TRPV3: variants seen among roughly 807,000 people sequenced by gnomAD.
The protein encoded by TRPV3 is VRL-3.
In TRPV3, 88 loss-of-function variants were observed where a neutral mutation model predicts 87.1. That is an observed-to-expected ratio of 1.01 (90% CI 0.85 to 1.21). TRPV3 has a LOEUF of 1.21. TRPV3 is among the 50% of genes most tolerant of loss of function. The pLI, the probability that TRPV3 is intolerant of heterozygous loss-of-function variation, is 0.00. For synonymous variants in TRPV3, 438 were observed against 423.3 expected (o/e 1.03, Z -0.43); for missense variants, 1,054 against 1,030.1 (o/e 1.02, Z -0.32).
At chr17:3,520,827 G>C in intron 14 of TRPV3, 146 bp downstream of exon 14, 2 of 445,698 alleles carry the variant, frequency 4.5e-6, no homozygotes, top group South Asian at 6.9e-5. Context: ...ATATATAAAG[G>C]TAATGCTTGG....
intron 11 of TRPV3, among the ~76,000 whole-genome samples, chr17:3,527,230 G>A (rs1210166423): frequency 2.6e-5 from 4 of 152,098 alleles, no homozygotes; most frequent in Non-Finnish European, 4.4e-5. Flanking sequence ...CCAGCCTAGC[G>A]TTCCAGCCTC....
Position 3,524,379 on chromosome 17 carries a change from A to C in TRPV3, c.1578-16T>G, listed in dbSNP as rs2074276053. ...TTGGATAAAACTGTTCAGGAGACAC[A>C]GGAGACACGGGCCTTACTTACTTCT... On this transcript the variant is annotated splice_polypyrimidine_tract_variant and intron_variant, in intron 12 of 17. Transcript: ENST00000576742. 1.2e-6 allele frequency: 2 copies of C among 1,613,602 alleles called. No individual in the cohort carries two copies. Among genetic ancestry groups the C allele is most frequent in the East Asian group, 4.5e-5 (2 of 44,886 alleles).
At chr17:3,533,732 C>T (rs536703759) in intron 7 of TRPV3, among the ~76,000 whole-genome samples, 65 of 152,242 alleles carry the variant, frequency 4.3e-4, no homozygotes, top group African/African-American at 1.4e-3. Context: ...CTCCTGACCT[C>T]GTGATCCACC....
chr17:3,557,206 G>A lies in TRPV3; in HGVS notation c.-3+470C>T, dbSNP rs539059874. The stretch of plus-strand genomic sequence containing the variant: ...GACACTGATTGAAATGGCCTTTCCC[G>A]GGCGACAGACCAGGCCGCGGAGCCA... On this transcript the variant is annotated intron_variant, in intron 1 of 17. Coordinates refer to ENST00000576742, the MANE Select transcript of TRPV3 (RefSeq NM_145068.4). This position sits in a 1 kb window ranked among gnomAD's most constrained non-coding sequence, Gnocchi z 4.5. Among the ~76,000 whole-genome samples, 7 of 152,158 alleles carry A rather than the reference G, an allele frequency of 4.6e-5. No homozygotes were observed. Among genetic ancestry groups the A allele is most frequent in the East Asian group, 3.9e-4 (2 of 5,162 alleles).
At position 3,557,102 on chromosome 17, in the gene TRPV3, T is replaced by C. The variant is rs1174152179; in HGVS notation, c.-3+574A>G. 6.6e-6 allele frequency among the ~76,000 whole-genome samples: 1 copy of C among 152,054 alleles called. No homozygotes were observed. The highest frequency in any genetic ancestry group is 1.5e-5 in the Non-Finnish European group (1 of 68,000). Reference sequence around the variant, plus strand: ...GCCGCAGCAGCTATCATTAGCTCCCTGAGTCACCCCGTAAACCCCACGTTC... The same window carrying C: ...GCCGCAGCAGCTATCATTAGCTCCCCGAGTCACCCCGTAAACCCCACGTTC... On this transcript the variant is annotated intron_variant, in intron 1 of 17. Coordinates refer to ENST00000576742, the MANE Select transcript of TRPV3 (RefSeq NM_145068.4). This position sits in a 1 kb window ranked among gnomAD's most constrained non-coding sequence, Gnocchi z 4.5.
chr17:3,542,970 T>A (rs1164168200), intron 5 of TRPV3, among the ~76,000 whole-genome samples: 1 of 152,018 alleles, frequency 6.6e-6, no homozygotes, highest in Non-Finnish European at 1.5e-5. Context: ...ACCCCCCTGC[T>A]GCCACCCTGG....
chr17:3,527,535 G>A (rs764738809), intron 11 of TRPV3, among the ~76,000 whole-genome samples: 66 of 152,142 alleles, frequency 4.3e-4, no homozygotes, highest in Non-Finnish European at 8.7e-4. Flanking sequence ...CTCCTCCAGG[G>A]CCACACATAT....
rs2074117714 is a variant in TRPV3 at position 3,511,840 on chromosome 17, G to A, written c.*2077C>T. The A allele has an allele frequency of 1.3e-5, 2 of 152,150 alleles. No individual in the cohort carries two copies. Among genetic ancestry groups the A allele is most frequent in the South Asian group, 2.1e-4 (1 of 4,826 alleles). The allele number at this position is 152,150 out of a possible 1,614,324, so 9.4% of individuals were successfully genotyped here. On this transcript the variant is annotated 3_prime_UTR_variant, in exon 18 of 18. Coordinates refer to ENST00000576742, the MANE Select transcript of TRPV3 (RefSeq NM_145068.4). ...AACAGATACGGCTTTATCCATTAATGGATATGACTTTCTCCATTAATATCT... is the reference window on the plus strand; with the variant it reads ...AACAGATACGGCTTTATCCATTAATAGATATGACTTTCTCCATTAATATCT...
At chr17:3,535,251 TACTCCTCCTCCCTCTCCCTCCTC>T (rs2074393535) in intron 7 of TRPV3, among the ~76,000 whole-genome samples, 1 of 53,894 alleles carries the variant, frequency 1.9e-5, no homozygotes, top group Non-Finnish European at 3.6e-5. Flanking sequence ...TCCCCCTCCT[TACTCCTCCTCCCTCTCCCTCCTC>T]CCTCCTCCCT....
chr17:3,525,162 G>GATGT, intron 12 of TRPV3, among the ~76,000 whole-genome samples: 1 of 150,276 alleles, frequency 6.7e-6, no homozygotes, highest in South Asian at 2.1e-4. Context: ...TGGGATTACA[G>GATGT]GCACCCGCCA....
Position 3,528,130 on chromosome 17 carries a change from C to T in TRPV3, c.1402-4G>A. 1 of 1,609,950 alleles carries T rather than the reference C, an allele frequency of 6.2e-7. No homozygotes were observed. The highest frequency in any genetic ancestry group is 8.5e-7 in the Non-Finnish European group (1 of 1,177,924). On this transcript the variant is annotated splice_polypyrimidine_tract_variant and splice_region_variant and intron_variant, in intron 10 of 17. Transcript: ENST00000576742. The surrounding 1 kb of genome is among the most constrained non-coding windows in gnomAD (Gnocchi z 4.2). ...GGGCCAAGGGGTGCGGGATGGCCTG[C>T]AGGGAAAGAAGAGGGGTGGTCAGTA... is the stretch of plus-strand genomic sequence containing the variant.
In TRPV3 at chr17:3,542,687, G is replaced by A; in HGVS notation, c.478C>T (p.His160Tyr). The A allele has an allele frequency of 1.2e-6, 2 of 1,613,728 alleles. No individual in the cohort carries two copies. The highest frequency in any genetic ancestry group is 1.7e-6 in the Non-Finnish European group (2 of 1,179,810). Residue 160 changes from histidine to tyrosine, a missense_variant, in exon 6 of 18, where the codon CAC (histidine) becomes TAC (tyrosine). Transcript: ENST00000576742. ...CCCGTGTCGGAGGCCGTCAGCTTGT[G>A]CATGAGGAAGTCTGCAGGCAGGGCC... is the stretch of plus-strand genomic sequence containing the variant. ...HDEDVPDFLM[H>Y]KLTASDTGKT...
At chr17:3,515,412 G>C (rs921753645) in intron 16 of TRPV3, among the ~76,000 whole-genome samples, 4 of 152,168 alleles carry the variant, frequency 2.6e-5, no homozygotes, top group African/African-American at 4.8e-5. Flanking sequence ...TGTAATCCCA[G>C]CACTTTGGGA....
intron 2 of TRPV3, chr17:3,553,627 G>T (rs1018539417): frequency 6.6e-6 from 1 of 152,350 alleles, no homozygotes; most frequent in Non-Finnish European, 1.5e-5. Context: ...CCCTGAGACT[G>T]CCTACAGGAT....
Position 3,510,631 on chromosome 17 carries a change from A to G in TRPV3, c.*3286T>C, listed in dbSNP as rs2074099887. On this transcript the variant is annotated 3_prime_UTR_variant, in exon 18 of 18. Coordinates refer to ENST00000576742, the MANE Select transcript of TRPV3 (RefSeq NM_145068.4). ...CGCACACACATACACACTAAGAACAAGTAGGTAAATGAGAATTTACAAGGA... is the reference window on the plus strand; with the variant it reads ...CGCACACACATACACACTAAGAACAGGTAGGTAAATGAGAATTTACAAGGA... 6.6e-6 allele frequency: 1 copy of G among 152,274 alleles called. No homozygotes were observed. Among genetic ancestry groups the G allele is most frequent in the Non-Finnish European group, 1.5e-5 (1 of 68,046 alleles). 9.4% of individuals were successfully genotyped at this position (152,274 alleles called of 1,614,324 possible).
intron 1 of TRPV3, among the ~76,000 whole-genome samples, chr17:3,555,457 C>T (rs2074618256): frequency 6.6e-6 from 1 of 152,210 alleles, no homozygotes; most frequent in African/African-American, 2.4e-5. Flanking sequence ...GCAGCCAACA[C>T]ACCGATCATC....
chr17:3,554,605 CG>C (rs1247393128), intron 2 of TRPV3, 126 bp downstream of exon 2: 9 of 685,074 alleles, frequency 1.3e-5, no homozygotes, highest in Admixed American at 1.2e-4. Flanking sequence ...CGCCGGGCAC[CG>C]GGCCACCCCG....
At chr17:3,515,369 G>T (rs2074169309) in intron 16 of TRPV3, among the ~76,000 whole-genome samples, 1 of 152,066 alleles carries the variant, frequency 6.6e-6, no homozygotes. Flanking sequence ...ATCAGAAAAG[G>T]TGTTCATGGG....
chr17:3,528,821 C>T lies in TRPV3; in HGVS notation c.1401+16G>A, dbSNP rs763885375. ...CTCTGACGGCCCCATTTTCCCCCTC[C>T]AAGGGGCCCACGTACCTCCTCCTCC... On this transcript the variant is annotated intron_variant, in intron 10 of 17. Transcript: ENST00000576742. This position sits in a 1 kb window ranked among gnomAD's most constrained non-coding sequence, Gnocchi z 4.2. 6.2e-7 allele frequency: 1 copy of T among 1,613,892 alleles called. No individual in the cohort carries two copies. Among genetic ancestry groups the T allele is most frequent in the Non-Finnish European group, 8.5e-7 (1 of 1,179,872 alleles).
Sources: allele counts gnomAD v4.1 joint callset (sites outside exome capture counted in the v4.1 genomes callset), GRCh38; gene constraint gnomAD v4.1.1; non-coding constraint Gnocchi (gnomAD v3.1); transcripts MANE v1.5; gene names NCBI Gene and HGNC (gene_info 2026-07-23, HGNC 2026-07-21).